Variants in PLG observed in about 807,000 individuals in gnomAD.
The protein encoded by PLG is plasminogen, also known as plasmin.
A neutral mutation model predicts 104.4 loss-of-function variants in PLG; 41 were observed. That is an observed-to-expected ratio of 0.39 (90% CI 0.31 to 0.51). The LOEUF is 0.51. Among genes scored for constraint, PLG ranks in the 20% least tolerant of loss-of-function variants. The probability of loss-of-function intolerance (pLI) is 0.76; values close to 1 mark genes in which losing one functional copy is unlikely to be tolerated. For synonymous variants in PLG, 337 were observed against 357.1 expected, an observed-to-expected ratio of 0.94 and a Z score of 0.63; for missense variants, 891 against 1,003.6, an observed-to-expected ratio of 0.89 and a Z score of 1.52.
In PLG at chr6:160,753,031, T is replaced by G; in HGVS notation, c.2403T>G (p.Thr801=). 1 of 1,596,724 alleles carries G rather than the reference T, an allele frequency of 6.3e-7. No homozygotes were observed. Among genetic ancestry groups the G allele is most frequent in the South Asian group, 1.1e-5 (1 of 90,584 alleles). ...ATGTTCGTGTTTCAAGGTTTGTTAC[T>G]TGGATTGAGGGAGTGATGAGAAATA... ...GVYVRVSRFV[T]WIEGVMRNN Residue 801 remains threonine (T), a synonymous_variant, in exon 19 of 19, where the codon ACT becomes ACG. Transcript: ENST00000308192. This position sits in a 1 kb window ranked among gnomAD's most constrained non-coding sequence, Gnocchi z 5.4.
At chr6:160,716,938 T>C (rs186027546) in intron 7 of PLG, among the ~76,000 whole-genome samples, 175 bp downstream of exon 7, 94 of 152,370 alleles carry the variant, frequency 6.2e-4, no homozygotes, top group African/African-American at 2.2e-3. Context: ...TATTGGTTAC[T>C]GTGGGTGATT....
rs1562385438 is a variant in PLG, at chr6:160,753,574, T to C, written c.*513T>C. 6.6e-6 allele frequency among the ~76,000 whole-genome samples: 1 copy of C among 152,146 alleles called. No individual in the cohort carries two copies. Among genetic ancestry groups the C allele is most frequent in the Non-Finnish European group, 1.5e-5 (1 of 68,026 alleles). Reference sequence around the variant, plus strand: ...TGGGGAGTCATGCAAACCGATTCTGTTATTGGGAATGAAATCTGTCACCGA... The same window carrying C: ...TGGGGAGTCATGCAAACCGATTCTGCTATTGGGAATGAAATCTGTCACCGA... On this transcript the variant is annotated 3_prime_UTR_variant, in exon 19 of 19. Coordinates refer to ENST00000308192, the MANE Select transcript of PLG (RefSeq NM_000301.5). This position sits in a 1 kb window ranked among gnomAD's most constrained non-coding sequence, Gnocchi z 5.4.
chr6:160,705,069 C>G (rs1361217237), intron 1 of PLG, among the ~76,000 whole-genome samples: 1 of 152,216 alleles, frequency 6.6e-6, no homozygotes, highest in Non-Finnish European at 1.5e-5. Context: ...TAACCCACCC[C>G]CTCTGCCTGC....
chr6:160,706,148 T>C, intron 1 of PLG: 1 of 517,312 alleles, frequency 1.9e-6, no homozygotes, highest in Non-Finnish European at 3.6e-6. Context: ...AATAGGTAGT[T>C]TTTCAGCCCT....
Position 160,736,328 on chromosome 6 carries a change from G to A in PLG, c.1682-559G>A, listed in dbSNP as rs1778082651. 6.6e-6 allele frequency among the ~76,000 whole-genome samples: 1 copy of A among 152,172 alleles called. No homozygotes were observed. The highest frequency in any genetic ancestry group is 2.4e-5 in the African/African-American group (1 of 41,432). On this transcript the variant is annotated intron_variant, in intron 13 of 18. Transcript: ENST00000308192. The surrounding 1 kb of genome is among the most constrained non-coding windows in gnomAD (Gnocchi z 5.2). The stretch of plus-strand genomic sequence containing the variant: ...TCCCCAGAGGAGCTGTCCTGAAGCT[G>A]GCTGACAGAAGGCAACATTTCAACT...
Position 160,722,565 on chromosome 6 carries a change from T to C in PLG, c.1254T>C (p.Asn418=), listed in dbSNP as rs771522609. 1.2e-5 allele frequency: 19 copies of C among 1,613,370 alleles called. No individual in the cohort carries two copies. The East Asian group carries it at 4.2e-4, about 36-fold the overall frequency. The change falls in exon 10 of 19, where the codon AAT becomes AAC. Residue 418 remains asparagine (N), a splice_region_variant and synonymous_variant. Coordinates refer to ENST00000308192, the MANE Select transcript of PLG (RefSeq NM_000301.5). The stretch of plus-strand genomic sequence containing the variant: ...AGAAGACCCCAGAAAACTACCCAAA[T>C]GCGTATGTCTTTGATTTTTACTGTA... ...RHQKTPENYP[N]AGLTMNYCRN...
chr6:160,708,078 T>C, intron 3 of PLG: 1 of 330,716 alleles, frequency 3.0e-6, no homozygotes, highest in Non-Finnish European at 5.9e-6. Flanking sequence ...GAAAATAAGA[T>C]TTTTAAAATA....
At chr6:160,713,269 C>T (rs1777676300) in intron 5 of PLG, 144 bp downstream of exon 5, 2 of 735,572 alleles carry the variant, frequency 2.7e-6, no homozygotes, top group South Asian at 1.5e-5. Flanking sequence ...CAGAATTAAC[C>T]TGAATTTTTT....
At chr6:160,709,061 G>T (rs1777586766) in intron 3 of PLG, among the ~76,000 whole-genome samples, 1 of 152,176 alleles carries the variant, frequency 6.6e-6, no homozygotes, top group African/African-American at 2.4e-5. Flanking sequence ...GAAGGAACAT[G>T]GGAATGACTG....
chr6:160,750,482 A>G (rs1215781109), intron 17 of PLG, among the ~76,000 whole-genome samples: 1 of 152,198 alleles, frequency 6.6e-6, no homozygotes, highest in African/African-American at 2.4e-5. Flanking sequence ...AGTGACACCT[A>G]ACTTAATTTT....
In PLG at chr6:160,739,327, C is replaced by T. The variant is rs563424096; in HGVS notation, c.2018+119C>T. The stretch of plus-strand genomic sequence containing the variant: ...GAGGAACTGTCTATCACATGAAAGG[C>T]TCAAGGGCTTTGGGGACAGCATCAA... On this transcript the variant is annotated intron_variant, in intron 16 of 18. Coordinates refer to ENST00000308192, the MANE Select transcript of PLG (RefSeq NM_000301.5). This position sits in a 1 kb window ranked among gnomAD's most constrained non-coding sequence, Gnocchi z 4.4. The T allele has an allele frequency of 4.1e-4, 548 of 1,327,510 alleles. 11 individuals carry two copies. In the South Asian group the frequency reaches 5.6e-3, roughly 14 times the overall value. The allele number at this position is 1,327,510 out of a possible 1,614,324, so 82.2% of individuals were successfully genotyped here.
In PLG at chr6:160,707,935, G is replaced by A. The variant is rs140464935; in HGVS notation, c.292+129G>A. 9.5e-3 allele frequency: 7,733 copies of A among 812,090 alleles called. 345 individuals are homozygous for A. In the African/African-American group the frequency reaches 0.1, roughly 11 times the overall value. 50.3% of individuals were successfully genotyped at this position (812,090 alleles called of 1,614,324 possible). A position where few individuals can be genotyped will look rare whatever the true frequency, so the allele number is the denominator to read the frequency against. On this transcript the variant is annotated intron_variant, in intron 3 of 18. Coordinates refer to ENST00000308192, the MANE Select transcript of PLG (RefSeq NM_000301.5). ...CTATCGTGTTATAAAACTGAATTCT[G>A]AGTTAGGACAGGATTTGATTACTAA...
At position 160,707,753 on chromosome 6, in the gene PLG, G is replaced by A. The variant is rs774881372; in HGVS notation, c.239G>A (p.Arg80Lys). The change falls in exon 3 of 19, where the codon AGG becomes AAG. Residue 80 changes from arginine (R) to lysine (K), a missense_variant. By Grantham distance (26) the Arg-to-Lys change is conservative. Coordinates refer to ENST00000308192, the MANE Select transcript of PLG (RefSeq NM_000301.5). ...CAATGTGTGATAATGGCTGAAAACA[G>A]GAAGTCCTCCATAATCATTAGGATG... The part of the protein sequence containing the change: ...EQQCVIMAEN[R>K]KSSIIIRMRD... The A allele has an allele frequency of 5.0e-6, 8 of 1,611,474 alleles. No homozygotes were observed. In the African/African-American group the frequency reaches 8.0e-5, roughly 16 times the overall value.
intron 10 of PLG, 175 bp from the exon 11 acceptor site, chr6:160,730,876 A>G (rs1777988943): frequency 1.7e-5 from 11 of 637,696 alleles, no homozygotes; most frequent in Non-Finnish European, 3.0e-5. Flanking sequence ...TTTGAAATGT[A>G]CACAGTTGTT....
chr6:160,717,624 A>G (rs2115163002), intron 7 of PLG, among the ~76,000 whole-genome samples: 1 of 151,876 alleles, frequency 6.6e-6, no homozygotes, highest in East Asian at 1.9e-4. Flanking sequence ...AGTCATGTCT[A>G]CTCAGTGAAT....
rs1356282878 is a variant in PLG at position 160,719,008 on chromosome 6, T to C, written c.1096+170T>C. 6.6e-6 allele frequency among the ~76,000 whole-genome samples: 1 copy of C among 152,220 alleles called. No homozygotes were observed. Among genetic ancestry groups the C allele is most frequent in the Non-Finnish European group, 1.5e-5 (1 of 68,030 alleles). On this transcript the variant is annotated intron_variant, in intron 9 of 18. Coordinates refer to ENST00000308192, the MANE Select transcript of PLG (RefSeq NM_000301.5). This position sits in a 1 kb window ranked among gnomAD's most constrained non-coding sequence, Gnocchi z 4.1. ...AGATTTGTTGAGGTTTGTTTTATGG[T>C]TCAGAATATAGCCATCTTGGTGAAT...
rs1445995699 is a variant in PLG, at chr6:160,707,805, A to C, written c.291A>C (p.Lys97Asn). Residue 97 changes from lysine to asparagine, a missense_variant and splice_region_variant, in exon 3 of 19, where the codon AAA becomes AAC. Coordinates refer to ENST00000308192, the MANE Select transcript of PLG (RefSeq NM_000301.5). ...GAGATGTAGTTTTATTTGAAAAGAA[A>C]GGTGAGTACATTTTCTTCCTCCTCC... ...RMRDVVLFEK[K>N]VYLSECKTGN... The C allele has an allele frequency of 6.2e-7, 1 of 1,608,616 alleles. No individual in the cohort carries two copies. Among genetic ancestry groups the C allele is most frequent in the South Asian group, 1.1e-5 (1 of 90,908 alleles).
rs1009758093 is a variant in PLG at position 160,737,665 on chromosome 6, G to T, written c.1802+658G>T. The stretch of plus-strand genomic sequence containing the variant: ...GCATAGGAAACAGGCCCATCCGTCT[G>T]CCTGTTTTGCTTCCTCATCTCACTT... On this transcript the variant is annotated intron_variant, in intron 14 of 18. Transcript: ENST00000308192. This position sits in a 1 kb window ranked among gnomAD's most constrained non-coding sequence, Gnocchi z 4.7. Among the ~76,000 whole-genome samples the T allele has an allele frequency of 6.6e-6, 1 of 152,160 alleles. No individual in the cohort carries two copies. Among genetic ancestry groups the T allele is most frequent in the African/African-American group, 2.4e-5 (1 of 41,428 alleles).
intron 1 of PLG, chr6:160,705,964 T>C (rs527766040): frequency 4.0e-5 from 8 of 201,084 alleles, no homozygotes; most frequent in Non-Finnish European, 6.1e-5. Context: ...GTCAATCCAG[T>C]TAATCTTTTA....
Sources: allele counts gnomAD v4.1 joint callset (sites outside exome capture counted in the v4.1 genomes callset), GRCh38; gene constraint gnomAD v4.1.1; non-coding constraint Gnocchi (gnomAD v3.1); transcripts MANE v1.5; gene names NCBI Gene and HGNC (gene_info 2026-07-23, HGNC 2026-07-21).